The following SPOCK3 variants were observed in gnomAD, a reference collection of about 807,000 sequenced individuals.
The protein encoded by SPOCK3 is testican-3.
In SPOCK3, 30 loss-of-function variants were observed where a neutral mutation model predicts 56.6. The ratio of observed to expected loss-of-function variants is 0.53; its 90% CI spans 0.40 to 0.72. SPOCK3 has a LOEUF of 0.72. Among genes scored for constraint, SPOCK3 ranks in the 30% least tolerant of loss-of-function variants. The pLI is 0.00. For missense variants in SPOCK3, 527 were observed against 530.0 expected (o/e 0.99, Z 0.06); for synonymous variants, 196 against 183.3 (o/e 1.07, Z -0.56).
intron 5 of SPOCK3, among the ~76,000 whole-genome samples, chr4:166,896,392 A>C (rs1206430704): frequency 3.3e-5 from 5 of 152,152 alleles, no homozygotes; most frequent in Non-Finnish European, 5.9e-5. Context: ...TTCCTGCTGC[A>C]GTAGAAGGAC....
At chr4:167,193,822 T>TTTATTATATATGGTATA (rs1481175858) in intron 2 of SPOCK3, among the ~76,000 whole-genome samples, 1 of 146,054 alleles carries the variant, frequency 6.8e-6, no homozygotes, top group East Asian at 2.1e-4. Context: ...CTTTTGACCA[T>TTTATTATATATGGTATA]TTGATTATAA....
rs367811359 is a variant in SPOCK3, at chr4:166,800,183, GAAAAAAA to G, written c.590-7901_590-7895del. 1.0e-3 allele frequency among the ~76,000 whole-genome samples: 52 copies of G among 51,786 alleles called. 1 individual carries two copies. The highest frequency in any genetic ancestry group is 0.011 in the Middle Eastern group (1 of 94). The allele number at this position is 51,786 out of a possible 152,430, so 34.0% of individuals were successfully genotyped here. ...GGCGACAGAGAGAGACTCCATCTCA[GAAAAAAA>G]AAAAAAAAAAAAAAAATGAAAACAT... On this transcript the variant is annotated intron_variant, in intron 6 of 10. Transcript: ENST00000357545.
At chr4:166,905,489 T>A (rs952160203) in intron 5 of SPOCK3, among the ~76,000 whole-genome samples, 2 of 152,016 alleles carry the variant, frequency 1.3e-5, no homozygotes, top group Non-Finnish European at 2.9e-5. Flanking sequence ...AAAACTTAAT[T>A]AACACGGGCT....
At chr4:167,155,256 C>T (rs1194842776) in intron 2 of SPOCK3, among the ~76,000 whole-genome samples, 1 of 151,926 alleles carries the variant, frequency 6.6e-6, no homozygotes, top group Non-Finnish European at 1.5e-5. Flanking sequence ...CCTGGGATTA[C>T]AGGCACTCCG....
intron 8 of SPOCK3, among the ~76,000 whole-genome samples, chr4:166,743,998 C>T (rs1457726886): frequency 6.6e-6 from 1 of 152,166 alleles, no homozygotes. Flanking sequence ...AAGGAGGCCT[C>T]CCTGCCTCTG....
intron 6 of SPOCK3, among the ~76,000 whole-genome samples, chr4:166,855,233 T>G (rs1339842058): frequency 6.6e-6 from 1 of 152,144 alleles, no homozygotes; most frequent in East Asian, 1.9e-4. Context: ...CACAAATTTT[T>G]ATGATCTTGA....
intron 2 of SPOCK3, among the ~76,000 whole-genome samples, chr4:167,213,148 T>C (rs767345367): frequency 2.0e-5 from 3 of 152,238 alleles, no homozygotes; most frequent in South Asian, 2.1e-4. Flanking sequence ...CCTATGCTAA[T>C]TGATGGCAAA....
chr4:166,844,574 C>A (rs1747855129), intron 6 of SPOCK3, among the ~76,000 whole-genome samples: 1 of 152,170 alleles, frequency 6.6e-6, no homozygotes, highest in African/African-American at 2.4e-5. Flanking sequence ...TGCCAGCAGA[C>A]CACCTTGGAC....
chr4:166,945,653 C>T (rs1028246639), intron 4 of SPOCK3, among the ~76,000 whole-genome samples: 23 of 152,198 alleles, frequency 1.5e-4, no homozygotes, highest in Admixed American at 5.2e-4. Flanking sequence ...CAATTGACCA[C>T]TAATATCTCA....
rs187477421 is a variant in SPOCK3, at chr4:166,901,155, G to A, written c.474+11465C>T. Among the ~76,000 whole-genome samples the A allele has an allele frequency of 3.3e-5, 5 of 152,188 alleles. 1 individual carries two copies. The highest frequency in any genetic ancestry group is 1.3e-4 in the Admixed American group (2 of 15,272). The stretch of plus-strand genomic sequence containing the variant: ...AAATCACCTGTCAACACCATCAGAC[G>A]TCTTTCCCACCTCCCCTCTCATTCT... On this transcript the variant is annotated intron_variant, in intron 5 of 10. Coordinates refer to ENST00000357545, the MANE Select transcript of SPOCK3 (RefSeq NM_001040159.2).
At chr4:166,800,204 A>AAAAAAAAAAAAAAAAAC (rs1742427202) in intron 6 of SPOCK3, among the ~76,000 whole-genome samples, 1 of 148,780 alleles carries the variant, frequency 6.7e-6, no homozygotes, top group Admixed American at 6.7e-5. Flanking sequence ...AAAAAAAAAA[A>AAAAAAAAAAAAAAAAAC]AATGAAAACA....
intron 3 of SPOCK3, among the ~76,000 whole-genome samples, chr4:167,030,085 C>CTATCTATGTATT (rs1554022257): frequency 1.1e-5 from 1 of 87,174 alleles, no homozygotes; most frequent in African/African-American, 3.4e-5. Context: ...ATGGCTCATT[C>CTATCTATGTATT]TATCTATCTA....
intron 3 of SPOCK3, among the ~76,000 whole-genome samples, chr4:167,048,415 A>G (rs1753910985): frequency 6.6e-6 from 1 of 152,104 alleles, no homozygotes; most frequent in South Asian, 2.1e-4. Context: ...GTGTCGGAAG[A>G]AACCAGACAT....
intron 6 of SPOCK3, among the ~76,000 whole-genome samples, chr4:166,814,087 G>T (rs1744131713): frequency 6.6e-6 from 1 of 152,054 alleles, no homozygotes; most frequent in South Asian, 2.1e-4. Context: ...TTCTGCTTTA[G>T]CAGAAAAGAA....
At chr4:167,218,178 C>CA (rs1735552282) in intron 2 of SPOCK3, among the ~76,000 whole-genome samples, 4 of 152,200 alleles carry the variant, frequency 2.6e-5, no homozygotes, top group Admixed American at 2.6e-4. Context: ...TATTCAGGGG[C>CA]ACACAGGCTG....
chr4:167,018,149 G>A (rs1326638077), intron 3 of SPOCK3, among the ~76,000 whole-genome samples: 1 of 152,092 alleles, frequency 6.6e-6, no homozygotes, highest in African/African-American at 2.4e-5. Context: ...GATTAATAGA[G>A]TACAAGTATT....
At chr4:167,227,324 T>G (rs1158410686) in intron 2 of SPOCK3, among the ~76,000 whole-genome samples, 1 of 152,162 alleles carries the variant, frequency 6.6e-6, no homozygotes, top group Non-Finnish European at 1.5e-5. Flanking sequence ...AAAATTGAAT[T>G]TTTATTTAAA....
intron 6 of SPOCK3, among the ~76,000 whole-genome samples, chr4:166,831,960 G>A (rs1746122159): frequency 6.6e-6 from 1 of 151,694 alleles, no homozygotes; most frequent in Non-Finnish European, 1.5e-5. Context: ...TGCTTGTCAA[G>A]TTCCTTATAA....
At chr4:166,813,141 T>C (rs1744012162) in intron 6 of SPOCK3, among the ~76,000 whole-genome samples, 1 of 152,056 alleles carries the variant, frequency 6.6e-6, no homozygotes. Flanking sequence ...CTTAAAATGA[T>C]TTAAATTAAA....
Sources: allele counts gnomAD v4.1 joint callset (sites outside exome capture counted in the v4.1 genomes callset), GRCh38; gene constraint gnomAD v4.1.1; transcripts MANE v1.5; gene names NCBI Gene and HGNC (gene_info 2026-07-23, HGNC 2026-07-21).